Variants in RELN observed in about 807,000 individuals in gnomAD.
RELN encodes the protein reelin.
Under a neutral mutation model 427.6 loss-of-function variants are expected in RELN, and 108 were observed. The ratio of observed to expected loss-of-function variants is 0.25; its 90% CI spans 0.22 to 0.30. RELN has a LOEUF of 0.30. RELN is among the 10% of genes least tolerant of loss of function. RELN has a pLI of 1.00. For missense variants in RELN, 3,715 were observed against 4,302.8 expected, an observed-to-expected ratio of 0.86 and a Z score of 3.82; for synonymous variants, 1,524 against 1,513.4, an observed-to-expected ratio of 1.01 and a Z score of -0.16.
chr7:103,572,461 C>T (rs1830904287), intron 30 of RELN, among the ~76,000 whole-genome samples: 1 of 152,084 alleles, frequency 6.6e-6, no homozygotes, highest in African/African-American at 2.4e-5. Flanking sequence ...ATTAATATGA[C>T]CATTCATTTT....
intron 20 of RELN, 38 bp from the exon 21 acceptor site, chr7:103,611,841 C>T (rs1831967346): frequency 6.6e-7 from 1 of 1,514,830 alleles, no homozygotes; most frequent in African/African-American, 1.4e-5. Context: ...AAATTCTAAA[C>T]ACAATGTATT....
intron 46 of RELN, among the ~76,000 whole-genome samples, chr7:103,528,686 G>A (rs13224492): frequency 6.6e-6 from 1 of 151,882 alleles, no homozygotes; most frequent in African/African-American, 2.4e-5. Flanking sequence ...GCACCACCGC[G>A]CCCGGCTAAT....
chr7:103,969,888 C>T (rs1450534822), intron 1 of RELN, among the ~76,000 whole-genome samples: 1 of 152,082 alleles, frequency 6.6e-6, no homozygotes, highest in Non-Finnish European at 1.5e-5. Flanking sequence ...AGTTGAGTAC[C>T]TTTAAAGAAA....
chr7:103,913,065 CTT>C (rs1795405698), intron 2 of RELN, among the ~76,000 whole-genome samples: 1 of 152,080 alleles, frequency 6.6e-6, no homozygotes, highest in Admixed American at 6.6e-5. Context: ...TAGCTATTGT[CTT>C]AACGTATTTC....
At chr7:103,862,477 T>A (rs1487706162) in intron 2 of RELN, among the ~76,000 whole-genome samples, 1 of 150,590 alleles carries the variant, frequency 6.6e-6, no homozygotes, top group African/African-American at 2.4e-5. Flanking sequence ...CTTCTCAATC[T>A]TTCTCCCTCT....
chr7:103,672,606 CTT>C (rs1274793731), intron 11 of RELN, among the ~76,000 whole-genome samples: 1 of 152,088 alleles, frequency 6.6e-6, no homozygotes, highest in Non-Finnish European at 1.5e-5. Context: ...CATTTTAGCA[CTT>C]GTGTGGTTTT....
At chr7:103,490,581 C>T in intron 59 of RELN, 87 bp downstream of exon 59, 1 of 1,391,872 alleles carries the variant, frequency 7.2e-7, no homozygotes, top group Non-Finnish European at 1.0e-6. Flanking sequence ...AGCTCTGCCT[C>T]ACACTGTCAG....
rs1830918801 is a variant in RELN, at chr7:103,573,002, G to A, written c.4512-742C>T. Among the ~76,000 whole-genome samples the A allele has an allele frequency of 2.6e-5, 4 of 152,076 alleles. No individual in the cohort carries two copies. The highest frequency in any genetic ancestry group is 4.1e-4 in the South Asian group (2 of 4,822). ...TGCCCAGGCTGGAGTGCAGTGGCGCGATCTTGACTCACTTCAACCTCTGCC... is the reference window on the plus strand; with the variant it reads ...TGCCCAGGCTGGAGTGCAGTGGCGCAATCTTGACTCACTTCAACCTCTGCC... On this transcript the variant is annotated intron_variant, in intron 30 of 64. Transcript: ENST00000428762. The surrounding 1 kb of genome is among the most constrained non-coding windows in gnomAD (Gnocchi z 4.4).
At chr7:103,940,184 C>T (rs73405615) in intron 1 of RELN, among the ~76,000 whole-genome samples, 4,533 of 152,256 alleles carry the variant, frequency 0.03, 207 homozygotes, top group African/African-American at 0.094. Flanking sequence ...GAAGGCTCAT[C>T]TGGAAAGCAA....
rs114339919 is a variant in RELN at position 103,539,151 on chromosome 7, G to A, written c.7107C>T (p.Asp2369=). Residue 2369 remains aspartate, a synonymous_variant, in exon 45 of 65, where the codon GAC becomes GAT. Transcript: ENST00000428762. ...KASTRYVVST[D]VAVNEDSFLQ... Reference sequence around the variant, plus strand: ...GGAAGGAATCCTCATTCACGGCAACGTCTGTGCTGACCACGTAACGGGTGC... The same window carrying A: ...GGAAGGAATCCTCATTCACGGCAACATCTGTGCTGACCACGTAACGGGTGC... 164 of 1,614,198 alleles carry A rather than the reference G, an allele frequency of 1.0e-4. No homozygotes were observed. In the East Asian group the frequency reaches 1.0e-3, roughly 10 times the overall value.
At chr7:103,497,134 A>G (rs1046904034) in intron 55 of RELN, among the ~76,000 whole-genome samples, 1 of 152,218 alleles carries the variant, frequency 6.6e-6, no homozygotes, top group Non-Finnish European at 1.5e-5. Flanking sequence ...TTGTAATTTT[A>G]TGCAATTTAA....
At chr7:103,700,580 C>G (rs1834068828) in intron 9 of RELN, among the ~76,000 whole-genome samples, 1 of 152,010 alleles carries the variant, frequency 6.6e-6, no homozygotes, top group Non-Finnish European at 1.5e-5. Flanking sequence ...ATAAGGCAGG[C>G]CAGAGTCAGG....
intron 2 of RELN, among the ~76,000 whole-genome samples, chr7:103,911,807 G>C (rs1366006076): frequency 3.0e-5 from 4 of 131,508 alleles, no homozygotes; most frequent in African/African-American, 1.2e-4. Context: ...TGAACAATGA[G>C]ATCACATGGA....
intron 1 of RELN, among the ~76,000 whole-genome samples, chr7:103,925,320 C>T (rs1037992072): frequency 6.6e-6 from 1 of 152,130 alleles, no homozygotes; most frequent in Admixed American, 6.5e-5. Flanking sequence ...TTTTATCATC[C>T]ACTTTTGGCC....
At chr7:103,540,490 T>G in intron 43 of RELN, 35 bp from the exon 44 acceptor site, 1 of 1,608,864 alleles carries the variant, frequency 6.2e-7, no homozygotes, top group Non-Finnish European at 8.5e-7. Flanking sequence ...GACTTTCACT[T>G]CCAAAAGAAA....
chr7:103,971,685 G>A (rs1031001304), intron 1 of RELN, among the ~76,000 whole-genome samples: 4 of 152,164 alleles, frequency 2.6e-5, no homozygotes, highest in African/African-American at 9.7e-5. Context: ...CAGCTGTAGT[G>A]TTATTAATAA....
intron 4 of RELN, among the ~76,000 whole-genome samples, chr7:103,772,377 T>C (rs930937598): frequency 1.3e-5 from 2 of 152,242 alleles, no homozygotes; most frequent in Non-Finnish European, 2.9e-5. Flanking sequence ...CCTGTGCCTT[T>C]GTTTCCTCAT....
At chr7:103,724,877 G>C (rs1039329162) in intron 7 of RELN, among the ~76,000 whole-genome samples, 16 of 150,924 alleles carry the variant, frequency 1.1e-4, no homozygotes, top group African/African-American at 3.6e-4. Context: ...ATTTATACTT[G>C]AGTATTATAA....
intron 16 of RELN, among the ~76,000 whole-genome samples, chr7:103,648,403 G>A (rs1342792460): frequency 6.6e-6 from 1 of 152,054 alleles, no homozygotes; most frequent in Non-Finnish European, 1.5e-5. Flanking sequence ...TACAGCCCAT[G>A]GAACTGTGAG....
Sources: gnomAD v4.1 joint callset for allele counts (sites outside exome capture counted in the v4.1 genomes callset) on GRCh38, gnomAD v4.1.1 for gene constraint, Gnocchi (gnomAD v3.1) non-coding constraint, MANE v1.5 for transcripts, NCBI Gene and HGNC (gene_info 2026-07-23, HGNC 2026-07-21) for gene names.